RBM20: variants seen among roughly 807,000 people sequenced by gnomAD.
RBM20 encodes RNA-binding protein 20.
A neutral mutation model predicts 110.1 loss-of-function variants in RBM20; 51 were observed. The observed-to-expected ratio is 0.46, with a 90% confidence interval of 0.37 to 0.59. The LOEUF is 0.59. RBM20 is among the 20% of genes least tolerant of loss of function. RBM20 has a pLI of 0.00. For synonymous variants in RBM20, 589 were observed against 618.2 expected, an observed-to-expected ratio of 0.95 and a Z score of 0.70; for missense variants, 1,512 against 1,574.9, an observed-to-expected ratio of 0.96 and a Z score of 0.68.
Position 110,821,381 on chromosome 10 carries a change from T to C in RBM20, c.2762T>C (p.Ile921Thr). ...GAGGTTGGGGAAGAAGAAGATTTTA[T>C]CGTGGAACCAGACATCCCAGAGCTG... is the stretch of plus-strand genomic sequence containing the variant. ...VDEVGEEEDF[I>T]VEPDIPELEE... The change falls in exon 11 of 14, where the codon ATC (isoleucine) becomes ACC (threonine). Residue 921 changes from isoleucine (I) to threonine (T), a missense_variant. Physicochemically the swap from Ile to Thr is moderately conservative, Grantham distance 89. This residue lies in a region of RBM20 where 358 missense variants were observed against 384.2 expected (regional missense o/e 0.93). Transcript: ENST00000369519. 6.4e-7 allele frequency: 1 copy of C among 1,551,734 alleles called. No individual in the cohort carries two copies. Among genetic ancestry groups the C allele is most frequent in the Non-Finnish European group, 8.7e-7 (1 of 1,147,006 alleles).
chr10:110,755,136 C>T (rs1219872495), intron 1 of RBM20, among the ~76,000 whole-genome samples: 1 of 152,120 alleles, frequency 6.6e-6, no homozygotes, highest in African/African-American at 2.4e-5. Flanking sequence ...TCAGGTTTCT[C>T]TCTGGGCCTA....
chr10:110,822,681 T>C (rs1197740040), intron 11 of RBM20, among the ~76,000 whole-genome samples: 5 of 151,796 alleles, frequency 3.3e-5, no homozygotes, highest in African/African-American at 1.2e-4. Flanking sequence ...ACACCAGAGG[T>C]TGAAGTGAGA....
chr10:110,816,877 T>G (rs945557470), intron 9 of RBM20, among the ~76,000 whole-genome samples: 1 of 152,206 alleles, frequency 6.6e-6, no homozygotes, highest in Non-Finnish European at 1.5e-5. Flanking sequence ...ACAAGGCTGT[T>G]GTAGTACTGT....
intron 1 of RBM20, among the ~76,000 whole-genome samples, chr10:110,759,650 A>G (rs1022330538): frequency 3.9e-5 from 6 of 152,192 alleles, no homozygotes; most frequent in African/African-American, 1.4e-4. Context: ...CTGTCCATCC[A>G]GCATGGATGG....
chr10:110,738,208 G>T (rs1236065981), intron 1 of RBM20, among the ~76,000 whole-genome samples: 1 of 152,150 alleles, frequency 6.6e-6, no homozygotes, highest in Non-Finnish European at 1.5e-5. Context: ...GGAAGGTGAG[G>T]GTTAAAGAAA....
chr10:110,834,737 C>T (rs571994439), intron 13 of RBM20, among the ~76,000 whole-genome samples: 1 of 152,336 alleles, frequency 6.6e-6, no homozygotes, highest in African/African-American at 2.4e-5. Flanking sequence ...AAAGTGCACA[C>T]ACTTAACCAC....
Position 110,780,818 on chromosome 10 carries a change from A to G in RBM20, c.209A>G (p.Asp70Gly), listed in dbSNP as rs1844327752. The change falls in exon 2 of 14, where the codon GAC (aspartate) becomes GGC (glycine). Residue 70 changes from aspartate (D) to glycine (G), a missense_variant. Asp to Gly is a moderately conservative substitution (Grantham distance 94). This residue lies in a region of RBM20 where 1,149 missense variants were observed against 1,169.4 expected (regional missense o/e 0.98). Transcript: ENST00000369519. ...QIIQNAAKLL[D>G]KNPFSVSNPN... Reference sequence around the variant, plus strand: ...TCCCACAGTGCCGCCAAGCTCCTGGACAAGAACCCATTCTCGGTCAGTAAC... The same window carrying G: ...TCCCACAGTGCCGCCAAGCTCCTGGGCAAGAACCCATTCTCGGTCAGTAAC... The G allele has an allele frequency of 6.5e-7, 1 of 1,527,818 alleles. No homozygotes were observed. Among genetic ancestry groups the G allele is most frequent in the African/African-American group, 1.4e-5 (1 of 72,600 alleles). 94.6% of individuals were successfully genotyped at this position (1,527,818 alleles called of 1,614,324 possible).
At chr10:110,831,016 C>A in intron 12 of RBM20, 45 bp from the exon 13 acceptor site, 1 of 1,515,994 alleles carries the variant, frequency 6.6e-7, no homozygotes, top group South Asian at 1.2e-5. Context: ...GGCCTGCCTC[C>A]CATGCCATCC....
intron 1 of RBM20, among the ~76,000 whole-genome samples, chr10:110,738,237 G>A (rs1253270947): frequency 1.3e-5 from 2 of 152,104 alleles, no homozygotes; most frequent in Non-Finnish European, 2.9e-5. Context: ...GAGAGTTGGC[G>A]GCCCTACAGC....
chr10:110,783,494 G>A, intron 3 of RBM20, 67 bp downstream of exon 3: 1 of 1,268,730 alleles, frequency 7.9e-7, no homozygotes. Flanking sequence ...CATTTACTGT[G>A]TGTCACACGC....
intron 1 of RBM20, among the ~76,000 whole-genome samples, chr10:110,750,057 A>G (rs1417064715): frequency 6.6e-6 from 1 of 152,264 alleles, no homozygotes; most frequent in Non-Finnish European, 1.5e-5. Context: ...AGAAGTATAC[A>G]CATAGGTGTT....
chr10:110,711,659 A>G (rs747370412), intron 1 of RBM20, among the ~76,000 whole-genome samples: 4 of 152,230 alleles, frequency 2.6e-5, no homozygotes, highest in Non-Finnish European at 5.9e-5. Context: ...AAGGCATTCT[A>G]TGTTTGTACT....
rs794729140 is a variant in RBM20, at chr10:110,781,283, C to T, written c.674C>T (p.Thr225Ile). ...GIGKTGPAPA[T>I]AGFYEYGKAS... ...GGCAAGACTGGGCCTGCTCCAGCTA[C>T]AGCAGGATTCTATGAGTATGGCAAA... Residue 225 changes from threonine (T) to isoleucine (I), a missense_variant, in exon 2 of 14, where the codon ACA becomes ATA. Around this residue, in one of 3 missense-constraint regions of RBM20, gnomAD observed 1,149 missense variants for 1,169.4 expected, o/e 0.98. Coordinates refer to ENST00000369519, the MANE Select transcript of RBM20 (RefSeq NM_001134363.3). The T allele has an allele frequency of 3.9e-6, 6 of 1,551,610 alleles. No homozygotes were observed. Among genetic ancestry groups the T allele is most frequent in the African/African-American group, 2.7e-5 (2 of 73,064 alleles).
At chr10:110,684,361 T>C (rs1862467561) in intron 1 of RBM20, among the ~76,000 whole-genome samples, 1 of 151,792 alleles carries the variant, frequency 6.6e-6, no homozygotes, top group African/African-American at 2.4e-5. Flanking sequence ...GCCATTGCAC[T>C]CCAGCCTGGG....
intron 1 of RBM20, among the ~76,000 whole-genome samples, chr10:110,735,725 C>T (rs975420681): frequency 1.3e-5 from 2 of 152,098 alleles, no homozygotes; most frequent in African/African-American, 4.8e-5. Flanking sequence ...TCTGTTTGCC[C>T]CATCTCAAGG....
intron 1 of RBM20, among the ~76,000 whole-genome samples, chr10:110,746,197 C>T (rs914488378): frequency 1.2e-4 from 18 of 152,104 alleles, no homozygotes; most frequent in Admixed American, 5.2e-4. Flanking sequence ...TGGCAGTCTT[C>T]CAAGAGGGTG....
chr10:110,686,763 G>A (rs143409239), intron 1 of RBM20, among the ~76,000 whole-genome samples: 1 of 152,286 alleles, frequency 6.6e-6, no homozygotes, highest in African/African-American at 2.4e-5. Context: ...AATAGGCCGG[G>A]TGCAGTGACT....
rs1018233228 is a variant in RBM20, at chr10:110,839,151, A to G, written c.*3173A>G. ...TTAACACCCAAAATAGCATCTATCT[A>G]GACAGTATCCCCAAAGAATTTGGAA... On this transcript the variant is annotated 3_prime_UTR_variant, in exon 14 of 14. Transcript: ENST00000369519. 1 of 152,228 alleles carries G rather than the reference A, an allele frequency of 6.6e-6. No homozygotes were observed. The highest frequency in any genetic ancestry group is 2.4e-5 in the African/African-American group (1 of 41,458). 9.4% of individuals were successfully genotyped at this position (152,228 alleles called of 1,614,324 possible).
chr10:110,651,616 G>C (rs1213862542), intron 1 of RBM20, among the ~76,000 whole-genome samples: 1 of 152,214 alleles, frequency 6.6e-6, no homozygotes. Context: ...GATGGTTTCA[G>C]AGTCAGAGAA....
Sources: gnomAD v4.1 joint callset for allele counts (sites outside exome capture counted in the v4.1 genomes callset) on GRCh38, gnomAD v4.1.1 for gene constraint, gnomAD v4.1.1 regional missense constraint, MANE v1.5 for transcripts, NCBI Gene and HGNC (gene_info 2026-07-23, HGNC 2026-07-21) for gene names.